The following TOX3 variants were observed in gnomAD, a reference collection of about 807,000 sequenced individuals.
TOX3 encodes the protein TOX high mobility group box family member 3, also known as CAG trinucleotide repeat-containing gene F9 protein.
Under a neutral mutation model 64.3 loss-of-function variants are expected in TOX3, and 22 were observed. The observed-to-expected ratio is 0.34, with a 90% CI of 0.24 to 0.49. The LOEUF (loss-of-function observed/expected upper bound fraction) is 0.49. TOX3 is among the 20% of genes least tolerant of loss of function. The probability of loss-of-function intolerance (pLI) is 0.99; values close to 1 mark genes in which losing one functional copy is unlikely to be tolerated. For synonymous variants in TOX3, 291 were observed against 273.6 expected (o/e 1.06, Z -0.63); for missense variants, 661 against 714.4 (o/e 0.93, Z 0.85).
intron 3 of TOX3, among the ~76,000 whole-genome samples, chr16:52,452,184 C>T (rs1187455378): frequency 6.6e-6 from 1 of 152,128 alleles, no homozygotes; most frequent in Non-Finnish European, 1.5e-5. Context: ...CTAACATTAA[C>T]AATGGTTACA....
intron 3 of TOX3, among the ~76,000 whole-genome samples, chr16:52,461,190 G>T (rs1217986167): frequency 6.6e-6 from 1 of 152,106 alleles, no homozygotes; most frequent in East Asian, 1.9e-4. Context: ...CATCTGAACT[G>T]ACAATAACAC....
At chr16:52,520,194 T>C (rs556702050) in intron 1 of TOX3, among the ~76,000 whole-genome samples, 22 of 152,330 alleles carry the variant, frequency 1.4e-4, no homozygotes, top group African/African-American at 4.3e-4. Flanking sequence ...ATAGTATTTC[T>C]AAATATATTT....
chr16:52,480,695 T>G (rs1187184698), intron 1 of TOX3, among the ~76,000 whole-genome samples: 1 of 152,248 alleles, frequency 6.6e-6, no homozygotes, highest in African/African-American at 2.4e-5. Context: ...TGAGTTAGTG[T>G]GAATTCCACC....
intron 1 of TOX3, among the ~76,000 whole-genome samples, chr16:52,499,826 T>A (rs1278856117): frequency 6.6e-6 from 1 of 152,340 alleles, no homozygotes; most frequent in Non-Finnish European, 1.5e-5. Flanking sequence ...CCAGCCACCC[T>A]AGGTACAAGG....
At chr16:52,488,007 GTTATC>G (rs1209575118) in intron 1 of TOX3, among the ~76,000 whole-genome samples, 1 of 152,158 alleles carries the variant, frequency 6.6e-6, no homozygotes, top group Non-Finnish European at 1.5e-5. Flanking sequence ...GGTCCTATCA[GTTATC>G]TTAAGTAAGC....
At chr16:52,513,015 A>T (rs1596845806) in intron 1 of TOX3, among the ~76,000 whole-genome samples, 1 of 152,362 alleles carries the variant, frequency 6.6e-6, no homozygotes, top group Non-Finnish European at 1.5e-5. Context: ...ATGTAAGTAC[A>T]TAATGTCACG....
chr16:52,545,993 C>G (rs570763297), intron 1 of TOX3, among the ~76,000 whole-genome samples: 1 of 152,090 alleles, frequency 6.6e-6, no homozygotes, highest in South Asian at 2.1e-4. Context: ...CTTAGCCCCC[C>G]CAAAAAAATG....
chr16:52,497,096 T>TA, intron 1 of TOX3, among the ~76,000 whole-genome samples: 1 of 152,150 alleles, frequency 6.6e-6, no homozygotes, highest in Non-Finnish European at 1.5e-5. Flanking sequence ...GCTACTTTGC[T>TA]AAAAAAGCAC....
intron 6 of TOX3, among the ~76,000 whole-genome samples, chr16:52,442,684 T>C (rs1282220903): frequency 6.6e-6 from 1 of 152,220 alleles, no homozygotes; most frequent in Non-Finnish European, 1.5e-5. Context: ...ACAGTTTGGG[T>C]TCAGGCTGAA....
chr16:52,492,420 T>TTA (rs1469017306), intron 1 of TOX3, among the ~76,000 whole-genome samples: 10 of 145,652 alleles, frequency 6.9e-5, no homozygotes, highest in East Asian at 3.9e-4. Context: ...ATCATGAATA[T>TTA]TATATATATA....
At position 52,546,966 on chromosome 16, in the gene TOX3, C is replaced by T; in HGVS notation, c.-243G>A. The T allele has an allele frequency of 2.0e-6, 2 of 979,150 alleles. No individual in the cohort carries two copies. The highest frequency in any genetic ancestry group is 2.4e-6 in the Non-Finnish European group (2 of 827,602). The allele number at this position is 979,150 out of a possible 1,614,324, so 60.7% of individuals were successfully genotyped here. A position where few individuals can be genotyped will look rare whatever the true frequency, so the allele number is the denominator to read the frequency against. On this transcript the variant is annotated 5_prime_UTR_variant, in exon 1 of 7. Transcript: ENST00000219746. ...GCCGGGGGGACGCGCCCCGCCGGGG[C>T]ACCGAGGCAGCGCTGCGCGCGGGCC...
chr16:52,527,468 G>A (rs73588829), intron 1 of TOX3, among the ~76,000 whole-genome samples: 4,791 of 152,228 alleles, frequency 0.031, 265 homozygotes, highest in African/African-American at 0.11. Flanking sequence ...TTTCTCAAAT[G>A]AACAAAGATC....
At chr16:52,513,697 G>T (rs2151473757) in intron 1 of TOX3, among the ~76,000 whole-genome samples, 1 of 152,228 alleles carries the variant, frequency 6.6e-6, no homozygotes, top group South Asian at 2.1e-4. Context: ...ATTGAGATAG[G>T]CCAATCTAAA....
rs1005704341 is a variant in TOX3, at chr16:52,519,541, CT to C, written c.87+27095del. ...TCTACCCTCTTCTGACTCTTCTGTC[CT>C]CTGCTGGATGGGGTTCAGTGAGAGA... On this transcript the variant is annotated intron_variant, in intron 1 of 6. Coordinates refer to ENST00000219746, the MANE Select transcript of TOX3 (RefSeq NM_001080430.4). The C allele has an allele frequency of 2.7e-5, 42 of 1,535,820 alleles. No individual in the cohort carries two copies. The Admixed American group carries it at 8.4e-4, about 31-fold the overall frequency.
chr16:52,441,165 G>C (rs1249094790), intron 6 of TOX3, among the ~76,000 whole-genome samples: 1 of 152,064 alleles, frequency 6.6e-6, no homozygotes. Context: ...ATAAATATTA[G>C]CTATTTTTAT....
intron 1 of TOX3, among the ~76,000 whole-genome samples, chr16:52,486,100 T>C (rs921291788): frequency 6.6e-6 from 1 of 152,154 alleles, no homozygotes; most frequent in African/African-American, 2.4e-5. Context: ...TGTGAGACTC[T>C]TTGTGAGACA....
At chr16:52,540,524 G>A (rs1963055415) in intron 1 of TOX3, among the ~76,000 whole-genome samples, 1 of 152,106 alleles carries the variant, frequency 6.6e-6, no homozygotes, top group Non-Finnish European at 1.5e-5. Context: ...ACGTAGCAAT[G>A]CCCAGCCTCA....
chr16:52,501,919 A>G (rs1962015792), intron 1 of TOX3, among the ~76,000 whole-genome samples: 1 of 152,174 alleles, frequency 6.6e-6, no homozygotes, highest in South Asian at 2.1e-4. Context: ...CACCATTCCC[A>G]ATTACCTGCA....
chr16:52,462,597 A>G (rs559206104), intron 3 of TOX3, among the ~76,000 whole-genome samples: 13 of 152,296 alleles, frequency 8.5e-5, no homozygotes, highest in South Asian at 4.1e-4. Flanking sequence ...CTGAGCATCT[A>G]TGAATGATGG....
Sources: allele counts gnomAD v4.1 joint callset (sites outside exome capture counted in the v4.1 genomes callset), GRCh38; gene constraint gnomAD v4.1.1; transcripts MANE v1.5; gene names NCBI Gene and HGNC (gene_info 2026-07-23, HGNC 2026-07-21).